The following CHL1 variants were observed in gnomAD, a reference collection of about 807,000 sequenced individuals.
The protein encoded by CHL1 is cell adhesion molecule L1 like.
Under a neutral mutation model 141.9 loss-of-function variants are expected in CHL1, and 96 were observed. That is an observed-to-expected ratio of 0.68 (90% CI 0.57 to 0.80). The LOEUF is 0.80. Among genes scored for constraint, CHL1 ranks in the 30% least tolerant of loss-of-function variants. The pLI is 0.00. For missense variants in CHL1, 1,820 were observed against 1,457.2 expected, an observed-to-expected ratio of 1.25 and a Z score of -4.05; for synonymous variants, 613 against 502.2, an observed-to-expected ratio of 1.22 and a Z score of -2.95.
intron 1 of CHL1, among the ~76,000 whole-genome samples, chr3:223,469 A>T (rs1701044691): frequency 7.2e-5 from 11 of 152,220 alleles, no homozygotes. Flanking sequence ...CAACTGTGTA[A>T]GGAATAAAGA....
chr3:337,800 C>T (rs1033640997), intron 5 of CHL1, among the ~76,000 whole-genome samples: 1 of 152,086 alleles, frequency 6.6e-6, no homozygotes, highest in African/African-American at 2.4e-5. Flanking sequence ...GGTTGCAGGT[C>T]TTTACTATTG....
chr3:258,599 A>G (rs1012202203), intron 2 of CHL1, among the ~76,000 whole-genome samples: 6 of 152,184 alleles, frequency 3.9e-5, no homozygotes, highest in African/African-American at 1.4e-4. Context: ...TCAAGAAAAC[A>G]TTTCCAGCTC....
chr3:286,758 T>C lies in CHL1; in HGVS notation c.-94-32925T>C, dbSNP rs559867727. 3.3e-5 allele frequency among the ~76,000 whole-genome samples: 5 copies of C among 152,322 alleles called. No individual in the cohort carries two copies. In the South Asian group the frequency reaches 1.0e-3, roughly 32 times the overall value. On this transcript the variant is annotated intron_variant, in intron 2 of 27. Transcript: ENST00000256509. The stretch of plus-strand genomic sequence containing the variant: ...TAAACAAGGGGTGGATTATTCATGA[T>C]TTTCCAGGAAAGCGGTAGGCAATTC...
chr3:291,786 T>C (rs1697716946), intron 2 of CHL1, among the ~76,000 whole-genome samples: 1 of 152,202 alleles, frequency 6.6e-6, no homozygotes, highest in South Asian at 2.1e-4. Context: ...TGTCAGCAGA[T>C]GTAATGAGCC....
chr3:386,046 T>A lies in CHL1; in HGVS notation c.2247+2160T>A, dbSNP rs968600305. Among the ~76,000 whole-genome samples the A allele has an allele frequency of 3.3e-5, 5 of 152,168 alleles. No individual in the cohort carries two copies. In the South Asian group the frequency reaches 6.2e-4, roughly 19 times the overall value. Reference sequence around the variant, plus strand: ...GTGAAGTTTAAGAACATTCATTCACTGAGTATGGTTCTGTATGGATCATCC... The same window carrying A: ...GTGAAGTTTAAGAACATTCATTCACAGAGTATGGTTCTGTATGGATCATCC... On this transcript the variant is annotated intron_variant, in intron 19 of 27. Coordinates refer to ENST00000256509, the MANE Select transcript of CHL1 (RefSeq NM_006614.4).
intron 16 of CHL1, among the ~76,000 whole-genome samples, chr3:378,815 C>G (rs950517735): frequency 2.6e-5 from 4 of 152,152 alleles, no homozygotes. Context: ...TGCATCCCAC[C>G]ACCAATATTT....
At chr3:350,815 T>C (rs1454560696) in intron 10 of CHL1, among the ~76,000 whole-genome samples, 1 of 152,200 alleles carries the variant, frequency 6.6e-6, no homozygotes, top group African/African-American at 2.4e-5. Context: ...TAGATATGCA[T>C]TAACGTCAAC....
intron 17 of CHL1, 74 bp from the exon 18 acceptor site, chr3:382,400 A>G: frequency 2.0e-6 from 3 of 1,479,356 alleles, no homozygotes; most frequent in Non-Finnish European, 2.8e-6. Context: ...AACTTTTAAT[A>G]TTGAGTATAA....
At chr3:402,405 T>C (rs931089481) in intron 27 of CHL1, among the ~76,000 whole-genome samples, 2 of 152,204 alleles carry the variant, frequency 1.3e-5, no homozygotes, top group Non-Finnish European at 2.9e-5. Context: ...ATTCTCCTTT[T>C]ATCTTTCTCC....
rs550614263 is a variant in CHL1, at chr3:378,457, A to G, written c.1876+515A>G. On this transcript the variant is annotated intron_variant, in intron 16 of 27. Coordinates refer to ENST00000256509, the MANE Select transcript of CHL1 (RefSeq NM_006614.4). ...TGTCGTTGTTGTTGTTGATGAAAGTACTAATCAGGAAACAGTGTGCACACT... is the reference window on the plus strand; with the variant it reads ...TGTCGTTGTTGTTGTTGATGAAAGTGCTAATCAGGAAACAGTGTGCACACT... Among the ~76,000 whole-genome samples the G allele has an allele frequency of 2.0e-5, 3 of 152,326 alleles. No homozygotes were observed. In the South Asian group the frequency reaches 6.2e-4, roughly 32 times the overall value.
intron 5 of CHL1, among the ~76,000 whole-genome samples, chr3:331,306 C>T (rs1701423392): frequency 1.3e-5 from 2 of 152,132 alleles, no homozygotes; most frequent in African/African-American, 4.8e-5. Flanking sequence ...CTTCATGGCT[C>T]ACTGCAGTCT....
At chr3:382,359 A>C in intron 17 of CHL1, 79 bp downstream of exon 17, 1 of 1,476,228 alleles carries the variant, frequency 6.8e-7, no homozygotes, top group East Asian at 2.3e-5. Context: ...AACCACTCTT[A>C]CTGGTTTATT....
intron 15 of CHL1, among the ~76,000 whole-genome samples, chr3:369,982 C>G (rs578098252): frequency 1.5e-3 from 228 of 152,158 alleles, no homozygotes; most frequent in Non-Finnish European, 2.9e-3. Flanking sequence ...TTTTGATGTG[C>G]TGCTGGATTT....
intron 19 of CHL1, among the ~76,000 whole-genome samples, chr3:385,161 C>T (rs1351429885): frequency 6.6e-6 from 1 of 152,136 alleles, no homozygotes; most frequent in East Asian, 1.9e-4. Context: ...GTATTATCCT[C>T]CCTTAAGTTC....
At chr3:279,920 C>T (rs1161835390) in intron 2 of CHL1, among the ~76,000 whole-genome samples, 1 of 152,144 alleles carries the variant, frequency 6.6e-6, no homozygotes, top group Non-Finnish European at 1.5e-5. Flanking sequence ...AATGCCTTTA[C>T]TTGACAAGCA....
chr3:279,625 A>G (rs892021537), intron 2 of CHL1, among the ~76,000 whole-genome samples: 1 of 152,210 alleles, frequency 6.6e-6, no homozygotes, highest in African/African-American at 2.4e-5. Flanking sequence ...TTGAAAGTAT[A>G]AACATTAGTC....
intron 18 of CHL1, 26 bp downstream of exon 18, chr3:382,697 C>T (rs1358708621): frequency 6.3e-7 from 1 of 1,594,918 alleles, no homozygotes; most frequent in Non-Finnish European, 8.6e-7. Context: ...CATCAGGTTT[C>T]TAACAAAATA....
chr3:358,290 T>C (rs926380330), intron 11 of CHL1, among the ~76,000 whole-genome samples: 1 of 152,114 alleles, frequency 6.6e-6, no homozygotes, highest in South Asian at 2.1e-4. Context: ...CCAGCTACAC[T>C]GCATCTCTCT....
intron 2 of CHL1, among the ~76,000 whole-genome samples, chr3:263,696 A>G (rs185111313): frequency 2.0e-5 from 3 of 152,254 alleles, no homozygotes; most frequent in African/African-American, 7.2e-5. Flanking sequence ...TAAATTTTTG[A>G]TTTGTGCATG....
Sources: gnomAD v4.1 joint callset for allele counts (sites outside exome capture counted in the v4.1 genomes callset) on GRCh38, gnomAD v4.1.1 for gene constraint, MANE v1.5 for transcripts, NCBI Gene and HGNC (gene_info 2026-07-23, HGNC 2026-07-21) for gene names.